The following ZNHIT6 variants were observed in gnomAD, a reference collection of about 807,000 sequenced individuals.
ZNHIT6 encodes the protein box C/D snoRNA protein 1.
Under a neutral mutation model 57.2 loss-of-function variants are expected in ZNHIT6, and 45 were observed. The observed-to-expected ratio is 0.79, with a 90% CI of 0.62 to 1.01. ZNHIT6 has a LOEUF of 1.01. Among genes scored for constraint, ZNHIT6 ranks in the 50% least tolerant of loss-of-function variants. ZNHIT6 has a pLI of 0.00. For synonymous variants in ZNHIT6, 188 were observed against 190.0 expected, an observed-to-expected ratio of 0.99 and a Z score of 0.09; for missense variants, 528 against 567.3, an observed-to-expected ratio of 0.93 and a Z score of 0.70.
chr1:85,700,300 C>T (rs909962563), intron 5 of ZNHIT6, among the ~76,000 whole-genome samples: 1 of 152,140 alleles, frequency 6.6e-6, no homozygotes, highest in African/African-American at 2.4e-5. Flanking sequence ...CTCCATTTTG[C>T]AGACGGTAAA....
At chr1:85,674,483 G>C (rs1284794659) in intron 8 of ZNHIT6, among the ~76,000 whole-genome samples, 1 of 152,026 alleles carries the variant, frequency 6.6e-6, no homozygotes, top group Non-Finnish European at 1.5e-5. Context: ...ATTCCTTATA[G>C]TCAACACCAC....
rs1326712109 is a variant in ZNHIT6 at position 85,707,820 on chromosome 1, C to T, written c.465G>A (p.Glu155=). The stretch of plus-strand genomic sequence containing the variant: ...CCTGTTTTATCTCCAAGTTATCCTT[C>T]TCTTCCTTCACTTCTGACCAGTCCA... ...EVMDWSEVKE[E]KDNLEIKQEE... Residue 155 remains glutamate, a synonymous_variant, in exon 1 of 10, where the codon GAG becomes GAA. Coordinates refer to ENST00000370574, the MANE Select transcript of ZNHIT6 (RefSeq NM_017953.4). The T allele has an allele frequency of 1.2e-6, 2 of 1,614,052 alleles. No homozygotes were observed. Among genetic ancestry groups the T allele is most frequent in the Non-Finnish European group, 1.7e-6 (2 of 1,180,034 alleles).
chr1:85,692,450 A>AT (rs1383629805), intron 5 of ZNHIT6, among the ~76,000 whole-genome samples: 2 of 152,124 alleles, frequency 1.3e-5, no homozygotes, highest in Non-Finnish European at 2.9e-5. Context: ...CTTCCACACT[A>AT]TTTTTCTAAA....
Position 85,680,892 on chromosome 1 carries a change from A to C in ZNHIT6, c.1032T>G (p.Phe344Leu). 1 of 1,612,330 alleles carries C rather than the reference A, an allele frequency of 6.2e-7. No homozygotes were observed. The highest frequency in any genetic ancestry group is 8.5e-7 in the Non-Finnish European group (1 of 1,179,178). ...GAAACTGGAGCTTCACATGCCAACAAAACTGTTGTTTTCTAAGAGAGAAAA... is the reference window on the plus strand; with the variant it reads ...GAAACTGGAGCTTCACATGCCAACACAACTGTTGTTTTCTAAGAGAGAAAA... ...STFFDKKKQQ[F>L]CWHVKLQFPQ... The change falls in exon 6 of 10, where the codon TTT becomes TTG. Residue 344 changes from phenylalanine to leucine, a missense_variant. Physicochemically the swap from Phe to Leu is conservative, Grantham distance 22. Coordinates refer to ENST00000370574, the MANE Select transcript of ZNHIT6 (RefSeq NM_017953.4).
chr1:85,673,636 A>C (rs897884418), intron 8 of ZNHIT6, among the ~76,000 whole-genome samples: 4 of 152,218 alleles, frequency 2.6e-5, no homozygotes, highest in Admixed American at 6.5e-5. Flanking sequence ...ATTTCTAAGC[A>C]CTTTTCAGGA....
At chr1:85,673,826 A>G (rs568574792) in intron 8 of ZNHIT6, among the ~76,000 whole-genome samples, 1 of 152,330 alleles carries the variant, frequency 6.6e-6, no homozygotes, top group South Asian at 2.1e-4. Flanking sequence ...TCCATTCATG[A>G]GTATGTTACA....
chr1:85,701,150 ATCT>A (rs1662519617), intron 5 of ZNHIT6, among the ~76,000 whole-genome samples: 1 of 152,230 alleles, frequency 6.6e-6, no homozygotes, highest in South Asian at 2.1e-4. Context: ...GGAAAACGTC[ATCT>A]TCTAATTATG....
At chr1:85,661,682 C>G (rs996733992) in intron 8 of ZNHIT6, among the ~76,000 whole-genome samples, 2 of 152,150 alleles carry the variant, frequency 1.3e-5, no homozygotes, top group African/African-American at 4.8e-5. Flanking sequence ...GTTTTAAGAG[C>G]CCAGCTTTGC....
In ZNHIT6 at chr1:85,651,046, T is replaced by C. The variant is rs1318182512; in HGVS notation, c.*3012A>G. ...CATCTTTATGTAAAATTTAGTAACA[T>C]GAAATAAGGTACAACACAAAGTATA... On this transcript the variant is annotated 3_prime_UTR_variant, in exon 10 of 10. Transcript: ENST00000370574. 1 of 152,050 alleles carries C rather than the reference T, an allele frequency of 6.6e-6. No individual in the cohort carries two copies. 9.4% of individuals were successfully genotyped at this position (152,050 alleles called of 1,614,324 possible).
Position 85,706,482 on chromosome 1 carries a change from C to A in ZNHIT6, c.682G>T (p.Ala228Ser), listed in dbSNP as rs754945978. The change falls in exon 2 of 10, where the codon GCA becomes TCA. Residue 228 changes from alanine (A) to serine (S), a missense_variant. Transcript: ENST00000370574. ...SRCETCGTEE[A>S]KYRCPRCMRY... is the part of the protein sequence containing the mutation. ...ATACAACGTGGACATCTGTACTTTG[C>A]TTCTTCTGTACCACAAGTCTCACAC... 1 of 1,593,714 alleles carries A rather than the reference C, an allele frequency of 6.3e-7. No individual in the cohort carries two copies. The highest frequency in any genetic ancestry group is 1.2e-5 in the South Asian group (1 of 86,454).
chr1:85,672,258 T>C (rs1661575791), intron 8 of ZNHIT6, among the ~76,000 whole-genome samples: 1 of 152,122 alleles, frequency 6.6e-6, no homozygotes, highest in African/African-American at 2.4e-5. Context: ...TTGCTCCCTA[T>C]AGCCAACTTG....
chr1:85,677,146 A>G lies in ZNHIT6; in HGVS notation c.1247+90T>C, dbSNP rs150490816. 8.9e-6 allele frequency: 8 copies of G among 898,388 alleles called. No homozygotes were observed. In the African/African-American group the frequency reaches 1.2e-4, roughly 13 times the overall value. 55.7% of individuals were successfully genotyped at this position (898,388 alleles called of 1,614,324 possible). A position where few individuals can be genotyped will look rare whatever the true frequency, so the allele number is the denominator to read the frequency against. ...TAAAAGTCATGTTCATAGCTAGATA[A>G]TTAGTTTAATAACTTGAGCTAATCA... On this transcript the variant is annotated intron_variant, in intron 8 of 9. Transcript: ENST00000370574.
At chr1:85,701,665 G>A (rs1553158613) in intron 5 of ZNHIT6, among the ~76,000 whole-genome samples, 9 of 152,146 alleles carry the variant, frequency 5.9e-5, no homozygotes, top group Non-Finnish European at 1.2e-4. Context: ...CAGGCGTCCT[G>A]TTTTTACTCG....
At chr1:85,696,691 T>C (rs1236278703) in intron 5 of ZNHIT6, among the ~76,000 whole-genome samples, 1 of 152,052 alleles carries the variant, frequency 6.6e-6, no homozygotes, top group African/African-American at 2.4e-5. Flanking sequence ...CTGAGAAACA[T>C]TACCAAATTG....
chr1:85,676,444 G>A (rs1661707571), intron 8 of ZNHIT6, among the ~76,000 whole-genome samples: 1 of 151,674 alleles, frequency 6.6e-6, no homozygotes, highest in Non-Finnish European at 1.5e-5. Context: ...ATCACGACTT[G>A]ACTAACTAGC....
intron 5 of ZNHIT6, among the ~76,000 whole-genome samples, chr1:85,700,223 T>A (rs2100716125): frequency 6.6e-6 from 1 of 152,276 alleles, no homozygotes; most frequent in Admixed American, 6.5e-5. Context: ...CCTTCCCACA[T>A]GCCAGTTACT....
chr1:85,674,550 GT>G (rs1266068599), intron 8 of ZNHIT6, among the ~76,000 whole-genome samples: 2 of 152,142 alleles, frequency 1.3e-5, no homozygotes, highest in African/African-American at 4.8e-5. Flanking sequence ...AAAAAGGTCA[GT>G]TTTGTTTAGT....
chr1:85,658,726 C>T (rs905479139), intron 8 of ZNHIT6, among the ~76,000 whole-genome samples: 4 of 151,852 alleles, frequency 2.6e-5, no homozygotes, highest in Non-Finnish European at 4.4e-5. Flanking sequence ...ACAAAATTAG[C>T]TCGGCATGGT....
At position 85,649,804 on chromosome 1, in the gene ZNHIT6, G is replaced by A. The variant is rs1660853619; in HGVS notation, c.*4254C>T. ...AATTGGTAATGGAAACATATGCTAT[G>A]TGCATCTGCTCAAACTAGCAACAAC... On this transcript the variant is annotated 3_prime_UTR_variant, in exon 10 of 10. Coordinates refer to ENST00000370574, the MANE Select transcript of ZNHIT6 (RefSeq NM_017953.4). 1 of 151,882 alleles carries A rather than the reference G, an allele frequency of 6.6e-6. No homozygotes were observed. The highest frequency in any genetic ancestry group is 2.4e-5 in the African/African-American group (1 of 41,320). The allele number at this position is 151,882 out of a possible 1,614,324, so 9.4% of individuals were successfully genotyped here.
Sources: gnomAD v4.1 joint callset for allele counts (sites outside exome capture counted in the v4.1 genomes callset) on GRCh38, gnomAD v4.1.1 for gene constraint, MANE v1.5 for transcripts, NCBI Gene and HGNC (gene_info 2026-07-23, HGNC 2026-07-21) for gene names.